SMARCD2: variants seen among roughly 807,000 people sequenced by gnomAD.
The protein encoded by SMARCD2 is SWI/SNF-related matrix-associated actin-dependent regulator of chromatin subfamily D member 2.
In SMARCD2, 39 loss-of-function variants were observed where a neutral mutation model predicts 70.4. The observed-to-expected ratio is 0.55, with a 90% CI of 0.43 to 0.72. SMARCD2 has a LOEUF of 0.72. SMARCD2 is among the 30% of genes least tolerant of loss of function. SMARCD2 has a pLI of 0.00. For synonymous variants in SMARCD2, 249 were observed against 279.4 expected, an observed-to-expected ratio of 0.89 and a Z score of 1.08; for missense variants, 540 against 713.4, an observed-to-expected ratio of 0.76 and a Z score of 2.77.
In SMARCD2 at chr17:63,834,823, G is replaced by A. The variant is rs2040244445; in HGVS notation, c.724-23C>T. 6.7e-7 allele frequency: 1 copy of A among 1,492,194 alleles called. No individual in the cohort carries two copies. The highest frequency in any genetic ancestry group is 9.4e-7 in the Non-Finnish European group (1 of 1,068,752). 92.4% of individuals were successfully genotyped at this position (1,492,194 alleles called of 1,614,324 possible). A position where few individuals can be genotyped will look rare whatever the true frequency, so the allele number is the denominator to read the frequency against. Reference sequence around the variant, plus strand: ...AGGCTGGGGATGGAAAGGGGTGTGAGATGGTGCTGCTGAGCTCTCAAATCT... The same window carrying A: ...AGGCTGGGGATGGAAAGGGGTGTGAAATGGTGCTGCTGAGCTCTCAAATCT... On this transcript the variant is annotated intron_variant, in intron 5 of 12. Transcript: ENST00000448276. The surrounding 1 kb of genome is among the most constrained non-coding windows in gnomAD (Gnocchi z 5.6).
Position 63,833,321 on chromosome 17 carries a change from G to A in SMARCD2, c.1417C>T (p.Arg473Cys), listed in dbSNP as rs757140754. ...DPQDFIQEWL[R>C]SQRRDLKIIT... ...ACCTTGAGGTCTCGGCGCTGGGAAC[G>A]GAGCCATTCCTGGATGAAGTCCTGG... Residue 473 changes from arginine to cysteine, a missense_variant, in exon 11 of 13, where the codon CGT (arginine) becomes TGT (cysteine). Coordinates refer to ENST00000448276, the MANE Select transcript of SMARCD2 (RefSeq NM_001098426.2). The surrounding 1 kb of genome is among the most constrained non-coding windows in gnomAD (Gnocchi z 4.3). 23 of 1,613,866 alleles carry A rather than the reference G, an allele frequency of 1.4e-5. No individual in the cohort carries two copies. Among genetic ancestry groups the A allele is most frequent in the East Asian group, 8.9e-5 (4 of 44,900 alleles).
At position 63,837,736 on chromosome 17, in the gene SMARCD2, C is replaced by T. The variant is rs1259873722; in HGVS notation, c.217-111G>A. Reference sequence around the variant, plus strand: ...AGCCAGGTAGGGCCTGAGCAGCACACCAGAGCCCTGCTGGAGCCCCAGGAA... The same window carrying T: ...AGCCAGGTAGGGCCTGAGCAGCACATCAGAGCCCTGCTGGAGCCCCAGGAA... On this transcript the variant is annotated intron_variant, in intron 1 of 12. Coordinates refer to ENST00000448276, the MANE Select transcript of SMARCD2 (RefSeq NM_001098426.2). This position sits in a 1 kb window ranked among gnomAD's most constrained non-coding sequence, Gnocchi z 6.4. 3 of 841,176 alleles carry T rather than the reference C, an allele frequency of 3.6e-6. No individual in the cohort carries two copies. The African/African-American group carries it at 5.2e-5, about 14-fold the overall frequency. The allele number at this position is 841,176 out of a possible 1,614,324, so 52.1% of individuals were successfully genotyped here.
At chr17:63,839,894 C>T (rs538410583) in intron 1 of SMARCD2, among the ~76,000 whole-genome samples, 7 of 152,180 alleles carry the variant, frequency 4.6e-5, no homozygotes, top group East Asian at 1.9e-4. Context: ...TTTGGGAGGC[C>T]GAGGCGGGTG....
intron 1 of SMARCD2, 108 bp downstream of exon 1, chr17:63,842,351 A>G: frequency 4.2e-6 from 5 of 1,189,416 alleles, no homozygotes; most frequent in Non-Finnish European, 5.2e-6. Context: ...CGTCTCCCGG[A>G]GTTCCTCATG....
chr17:63,837,119 C>A lies in SMARCD2; in HGVS notation c.445-75G>T, dbSNP rs770988475. On this transcript the variant is annotated intron_variant, in intron 3 of 12. Coordinates refer to ENST00000448276, the MANE Select transcript of SMARCD2 (RefSeq NM_001098426.2). This position sits in a 1 kb window ranked among gnomAD's most constrained non-coding sequence, Gnocchi z 6.4. ...CTCTTTCCTCCCTTCCTGCTGCAGCCCAGCTTTGAGAGAGATGGACACCCA... is the reference window on the plus strand; with the variant it reads ...CTCTTTCCTCCCTTCCTGCTGCAGCACAGCTTTGAGAGAGATGGACACCCA... 2.5e-6 allele frequency: 4 copies of A among 1,612,636 alleles called. No homozygotes were observed. In the African/African-American group the frequency reaches 4.0e-5, roughly 16 times the overall value.
At position 63,834,081 on chromosome 17, in the gene SMARCD2, AGCAGTCT is replaced by A. The variant is rs1452811975; in HGVS notation, c.1083+79_1084-76del. 2.5e-6 allele frequency: 4 copies of A among 1,587,650 alleles called. No homozygotes were observed. The highest frequency in any genetic ancestry group is 3.5e-6 in the Non-Finnish European group (4 of 1,157,410). On this transcript the variant is annotated intron_variant, in intron 8 of 12. Transcript: ENST00000448276. The surrounding 1 kb of genome is among the most constrained non-coding windows in gnomAD (Gnocchi z 5.6). ...GGACCATTCCAGGACCAGTGAGGGC[AGCAGTCT>A]GCAGGCTGTGGCCAAGGAGTAGCCC... is the stretch of plus-strand genomic sequence containing the variant.
chr17:63,841,903 T>C (rs1904477586), intron 1 of SMARCD2, among the ~76,000 whole-genome samples: 1 of 152,036 alleles, frequency 6.6e-6, no homozygotes, highest in Non-Finnish European at 1.5e-5. Flanking sequence ...AGGAGTAAAG[T>C]CCGCCCGTGC....
rs1470671017 is a variant in SMARCD2, at chr17:63,833,818, A to G, written c.1181+91T>C. On this transcript the variant is annotated intron_variant, in intron 9 of 12. Coordinates refer to ENST00000448276, the MANE Select transcript of SMARCD2 (RefSeq NM_001098426.2). This position sits in a 1 kb window ranked among gnomAD's most constrained non-coding sequence, Gnocchi z 4.3. ...CCCATTCTCTGCACACACTCAGGGA[A>G]AAAGAAACCTGATGCTTTCTTTGGC... 6.4e-7 allele frequency: 1 copy of G among 1,572,104 alleles called. No homozygotes were observed. The highest frequency in any genetic ancestry group is 1.4e-5 in the African/African-American group (1 of 73,840).
rs1038329038 is a variant in SMARCD2 at position 63,834,981 on chromosome 17, G to A, written c.724-181C>T. 1.7e-6 allele frequency: 1 copy of A among 599,838 alleles called. No individual in the cohort carries two copies. The highest frequency in any genetic ancestry group is 2.8e-5 in the East Asian group (1 of 36,118). The allele number at this position is 599,838 out of a possible 1,614,324, so 37.2% of individuals were successfully genotyped here. A position where few individuals can be genotyped will look rare whatever the true frequency, so the allele number is the denominator to read the frequency against. ...GGAGGCAGGGAAATGGTGCCCTCTT[G>A]CAGCCCACGAGGGACTTCCTCGAGA... is the stretch of plus-strand genomic sequence containing the variant. On this transcript the variant is annotated intron_variant, in intron 5 of 12. Coordinates refer to ENST00000448276, the MANE Select transcript of SMARCD2 (RefSeq NM_001098426.2). The surrounding 1 kb of genome is among the most constrained non-coding windows in gnomAD (Gnocchi z 5.6).
rs750155966 is a variant in SMARCD2 at position 63,833,745 on chromosome 17, G to A, written c.1182-23C>T. ...ACACTGCAGGCAGCACATGGGGAGG[G>A]AAGGCACATAGCTGACTTCATCCTG... On this transcript the variant is annotated intron_variant, in intron 9 of 12. Transcript: ENST00000448276. The surrounding 1 kb of genome is among the most constrained non-coding windows in gnomAD (Gnocchi z 4.3). 1.9e-6 allele frequency: 3 copies of A among 1,613,908 alleles called. No homozygotes were observed. Among genetic ancestry groups the A allele is most frequent in the Non-Finnish European group, 2.5e-6 (3 of 1,179,818 alleles).
In SMARCD2 at chr17:63,832,867, C is replaced by T. The variant is rs144299027; in HGVS notation, c.*71G>A. ...CTCCTCACCCCAGCCTACGTGTCTG[C>T]GGCCCCAGCAAGGACCCAGAGGGTG... On this transcript the variant is annotated 3_prime_UTR_variant, in exon 13 of 13. Coordinates refer to ENST00000448276, the MANE Select transcript of SMARCD2 (RefSeq NM_001098426.2). The T allele has an allele frequency of 4.7e-5, 64 of 1,350,548 alleles. No homozygotes were observed. The highest frequency in any genetic ancestry group is 2.5e-4 in the Middle Eastern group (1 of 4,036). The allele number at this position is 1,350,548 out of a possible 1,614,324, so 83.7% of individuals were successfully genotyped here.
At chr17:63,835,660 G>T in intron 4 of SMARCD2, 93 bp from the exon 5 acceptor site, 1 of 1,251,566 alleles carries the variant, frequency 8.0e-7, no homozygotes, top group Non-Finnish European at 1.1e-6. Context: ...TCAACAATCA[G>T]TACTGAGCAC....
chr17:63,836,451 A>G (rs1414623839), intron 4 of SMARCD2, among the ~76,000 whole-genome samples: 1 of 149,498 alleles, frequency 6.7e-6, no homozygotes, highest in African/African-American at 2.5e-5. Context: ...GTGAGCCGAG[A>G]TCGCAACACT....
rs1221766080 is a variant in SMARCD2 at position 63,834,256 on chromosome 17, T to C, written c.994A>G (p.Met332Val). ...GVHTQTRAAI[M>V]QALWLYIKHN... ...TTGATGTAAAGCCACAGGGCCTGCA[T>C]GATGGCGGCCCTCGTCTGCGTGTGC... is the stretch of plus-strand genomic sequence containing the variant. Residue 332 changes from methionine to valine, a missense_variant, in exon 8 of 13, where the codon ATG becomes GTG. Coordinates refer to ENST00000448276, the MANE Select transcript of SMARCD2 (RefSeq NM_001098426.2). This position sits in a 1 kb window ranked among gnomAD's most constrained non-coding sequence, Gnocchi z 5.6. 2 of 1,610,970 alleles carry C rather than the reference T, an allele frequency of 1.2e-6. No homozygotes were observed. The highest frequency in any genetic ancestry group is 1.7e-6 in the Non-Finnish European group (2 of 1,178,688).
Position 63,835,533 on chromosome 17 carries a change from G to T in SMARCD2, c.602C>A (p.Thr201Lys), listed in dbSNP as rs201723860. 4 of 1,613,850 alleles carry T rather than the reference G, an allele frequency of 2.5e-6. No individual in the cohort carries two copies. The highest frequency in any genetic ancestry group is 1.3e-5 in the African/African-American group (1 of 74,926). The change falls in exon 5 of 13, where the codon ACG becomes AAG. Residue 201 changes from threonine (T) to lysine (K), a missense_variant. Coordinates refer to ENST00000448276, the MANE Select transcript of SMARCD2 (RefSeq NM_001098426.2). ...GCCTTCCGCCTTGCTGGGACTGAAC[G>T]TATTGGAAATGTAGATCCGAAGCTT... ...KRKLRIYISNTFSPSKAEGDS... is the reference protein window; with the variant it reads ...KRKLRIYISNKFSPSKAEGDS...
At position 63,833,653 on chromosome 17, in the gene SMARCD2, C is replaced by T. The variant is rs1186510097; in HGVS notation, c.1251G>A (p.Lys417=). The T allele has an allele frequency of 1.2e-6, 2 of 1,613,836 alleles. No homozygotes were observed. The highest frequency in any genetic ancestry group is 2.7e-5 in the African/African-American group (2 of 74,906). Residue 417 remains lysine (K), a synonymous_variant, in exon 10 of 13, where the codon AAG becomes AAA. Transcript: ENST00000448276. This position sits in a 1 kb window ranked among gnomAD's most constrained non-coding sequence, Gnocchi z 4.3. ...DIDVEVDDPL[K]AQMSNFLAST... is the part of the protein sequence containing the mutation. ...AGGCCAGAAAATTGCTCATTTGGGCCTTCAGTGGGTCGTCCACCTCCACAT... is the reference window on the plus strand; with the variant it reads ...AGGCCAGAAAATTGCTCATTTGGGCTTTCAGTGGGTCGTCCACCTCCACAT...
Position 63,842,682 on chromosome 17 carries a change from T to A in SMARCD2, c.-8A>T. On this transcript the variant is annotated 5_prime_UTR_variant, in exon 1 of 13. Transcript: ENST00000448276. ...CGCGCCTCGGCCCGACATCGCTCCG[T>A]CCCGTCCCGCGGTGCCGCGATCCGG... 2 of 1,315,512 alleles carry A rather than the reference T, an allele frequency of 1.5e-6. No individual in the cohort carries two copies. Among genetic ancestry groups the A allele is most frequent in the African/African-American group, 3.1e-5 (2 of 65,162 alleles). 81.5% of individuals were successfully genotyped at this position (1,315,512 alleles called of 1,614,324 possible). A position where few individuals can be genotyped will look rare whatever the true frequency, so the allele number is the denominator to read the frequency against.
Position 63,838,503 on chromosome 17 carries a change from AG to A in SMARCD2, c.217-879del. On this transcript the variant is annotated intron_variant, in intron 1 of 12. Transcript: ENST00000448276. ...AGCCCTGGCAATCCCAAGCTGGAGA[AG>A]GGGGCTAAGATTATCCTGGGAGGCA... 5.8e-6 allele frequency: 6 copies of A among 1,026,054 alleles called. No individual in the cohort carries two copies. The East Asian group carries it at 9.6e-5, about 16-fold the overall frequency. The allele number at this position is 1,026,054 out of a possible 1,614,324, so 63.6% of individuals were successfully genotyped here.
chr17:63,836,911 G>C lies in SMARCD2; in HGVS notation c.567+11C>G. On this transcript the variant is annotated intron_variant, in intron 4 of 12. Transcript: ENST00000448276. ...CCTGGGAAGGCTAGAGGTGGTCAGG[G>C]CCACACATACTGTCAGAGGCTTTTT... 1 of 1,611,486 alleles carries C rather than the reference G, an allele frequency of 6.2e-7. No individual in the cohort carries two copies. The highest frequency in any genetic ancestry group is 8.5e-7 in the Non-Finnish European group (1 of 1,178,228).
Sources: gnomAD v4.1 joint callset for allele counts (sites outside exome capture counted in the v4.1 genomes callset) on GRCh38, gnomAD v4.1.1 for gene constraint, Gnocchi (gnomAD v3.1) non-coding constraint, MANE v1.5 for transcripts, NCBI Gene and HGNC (gene_info 2026-07-23, HGNC 2026-07-21) for gene names.